The following DNMT3A variants were observed in gnomAD, a reference collection of about 807,000 sequenced individuals.
The protein encoded by DNMT3A is DNA methyltransferase 3 alpha, also known as DNA (cytosine-5)-methyltransferase 3A.
In DNMT3A, 267 loss-of-function variants were observed where a neutral mutation model predicts 117.6. That is an observed-to-expected ratio of 2.27 (90% confidence interval 2.05 to 2.51). The LOEUF is 2.51. Among genes scored for constraint, DNMT3A ranks in the 30% most tolerant of loss-of-function variants. The pLI is 0.00. For synonymous variants in DNMT3A, 432 were observed against 474.8 expected (o/e 0.91, Z 1.17); for missense variants, 1,029 against 1,260.2 (o/e 0.82, Z 2.78).
rs541076728 is a variant in DNMT3A at position 25,288,280 on chromosome 2, A to G, written c.178-5569T>C. Among the ~76,000 whole-genome samples the G allele has an allele frequency of 5.9e-5, 9 of 151,912 alleles. No homozygotes were observed. In the East Asian group the frequency reaches 1.8e-3, roughly 30 times the overall value. ...AAACCCCGAATCTACTAAAAATACAAAAAATTCGCCAGGCGTGGTAGCAGG... is the reference window on the plus strand; with the variant it reads ...AAACCCCGAATCTACTAAAAATACAGAAAATTCGCCAGGCGTGGTAGCAGG... On this transcript the variant is annotated intron_variant, in intron 3 of 22. Coordinates refer to ENST00000321117, the MANE Select transcript of DNMT3A (RefSeq NM_022552.5).
intron 6 of DNMT3A, among the ~76,000 whole-genome samples, chr2:25,250,125 G>A (rs1487002154): frequency 6.6e-6 from 1 of 152,164 alleles, no homozygotes; most frequent in Non-Finnish European, 1.5e-5. Flanking sequence ...TAAAAATCTG[G>A]TGTATATATG....
rs2032911123 is a variant in DNMT3A at position 25,293,545 on chromosome 2, G to C, written c.177+6594C>G. Among the ~76,000 whole-genome samples, 1 of 152,156 alleles carries C rather than the reference G, an allele frequency of 6.6e-6. No homozygotes were observed. The highest frequency in any genetic ancestry group is 2.1e-4 in the South Asian group (1 of 4,828). ...TGCTCTGTCACCCAGCTGGAGTGCA[G>C]TGACACAATTATGGCTCACTGCAGC... On this transcript the variant is annotated intron_variant, in intron 3 of 22. Coordinates refer to ENST00000321117, the MANE Select transcript of DNMT3A (RefSeq NM_022552.5). The surrounding 1 kb of genome is among the most constrained non-coding windows in gnomAD (Gnocchi z 4.7).
intron 1 of DNMT3A, chr2:25,328,553 A>G: frequency 2.2e-6 from 1 of 450,212 alleles, no homozygotes; most frequent in Non-Finnish European, 4.7e-6. Context: ...AGACGAGGTC[A>G]GAGTTCATGC....
chr2:25,247,499 C>A lies in DNMT3A; in HGVS notation c.1014+92G>T. 3.2e-6 allele frequency: 5 copies of A among 1,550,170 alleles called. No homozygotes were observed. The highest frequency in any genetic ancestry group is 4.4e-6 in the Non-Finnish European group (5 of 1,144,046). On this transcript the variant is annotated intron_variant, in intron 8 of 22. Coordinates refer to ENST00000321117, the MANE Select transcript of DNMT3A (RefSeq NM_022552.5). The surrounding 1 kb of genome is among the most constrained non-coding windows in gnomAD (Gnocchi z 5.6). ...GGGTGAGCAGAACCCACTTCCATCA[C>A]CCCAATTCCAGACTGCCCCCAGCCA...
At chr2:25,272,884 C>T (rs1382449716) in intron 6 of DNMT3A, among the ~76,000 whole-genome samples, 2 of 151,488 alleles carry the variant, frequency 1.3e-5, no homozygotes, top group African/African-American at 4.9e-5. Context: ...TCACCGCAAC[C>T]TCCACCTGTC....
Position 25,247,670 on chromosome 2 carries a change from G to A in DNMT3A, c.935C>T (p.Ser312Phe). Residue 312 changes from serine (S) to phenylalanine (F), a missense_variant, in exon 8 of 23, where the codon TCT becomes TTT. Coordinates refer to ENST00000321117, the MANE Select transcript of DNMT3A (RefSeq NM_022552.5). The surrounding 1 kb of genome is among the most constrained non-coding windows in gnomAD (Gnocchi z 5.6). ...GFSWWPGRIV[S>F]WWMTGRSRAA... ...TCGGCTCCGGCCCGTCATCCACCAA[G>A]ACACAATGCGGCCTGGCCACCAGGA... 1 of 1,613,918 alleles carries A rather than the reference G, an allele frequency of 6.2e-7. No homozygotes were observed. The highest frequency in any genetic ancestry group is 8.5e-7 in the Non-Finnish European group (1 of 1,180,024).
Position 25,281,599 on chromosome 2 carries a change from A to T in DNMT3A, c.448+842T>A, listed in dbSNP as rs2031890551. ...AAGACTTTTTGAAATTAAAATGCAC[A>T]TATGCAAAACAACCTGGCAGGGCCC... On this transcript the variant is annotated intron_variant, in intron 4 of 22. Coordinates refer to ENST00000321117, the MANE Select transcript of DNMT3A (RefSeq NM_022552.5). The surrounding 1 kb of genome is among the most constrained non-coding windows in gnomAD (Gnocchi z 4.8). 5.6e-6 allele frequency: 6 copies of T among 1,064,250 alleles called. No individual in the cohort carries two copies. Among genetic ancestry groups the T allele is most frequent in the Non-Finnish European group, 5.7e-6 (5 of 878,590 alleles). The allele number at this position is 1,064,250 out of a possible 1,614,324, so 65.9% of individuals were successfully genotyped here.
intron 3 of DNMT3A, among the ~76,000 whole-genome samples, chr2:25,287,973 T>G (rs1403835149): frequency 2.0e-5 from 3 of 151,872 alleles, no homozygotes; most frequent in Non-Finnish European, 4.4e-5. Flanking sequence ...TAGCTGGGAT[T>G]ACAGGTGTCT....
rs1460579097 is a variant in DNMT3A, at chr2:25,239,284, G to C, written c.2323-69C>G. The C allele has an allele frequency of 4.2e-6, 6 of 1,435,040 alleles. No individual in the cohort carries two copies. In the Admixed American group the frequency reaches 9.3e-5, roughly 22 times the overall value. 88.9% of individuals were successfully genotyped at this position (1,435,040 alleles called of 1,614,324 possible). On this transcript the variant is annotated intron_variant, in intron 19 of 22. Coordinates refer to ENST00000321117, the MANE Select transcript of DNMT3A (RefSeq NM_022552.5). ...TGAAACAGCGCCGGCATGCTGCTGG[G>C]GTCGAGCCTTAAAGCCTCAAAGCCT...
Position 25,304,431 on chromosome 2 carries a change from C to T in DNMT3A, c.73-4188G>A, listed in dbSNP as rs1342606144. Among the ~76,000 whole-genome samples, 1 of 152,232 alleles carries T rather than the reference C, an allele frequency of 6.6e-6. No homozygotes were observed. The highest frequency in any genetic ancestry group is 2.4e-5 in the African/African-American group (1 of 41,460). On this transcript the variant is annotated intron_variant, in intron 2 of 22. Transcript: ENST00000321117. The surrounding 1 kb of genome is among the most constrained non-coding windows in gnomAD (Gnocchi z 4.3). ...CATCCTGATTCGTACTTCACTCCCA[C>T]TCCATCCTCCCCATCCCCCTCTCCC...
chr2:25,247,998 C>T lies in DNMT3A; in HGVS notation c.855+39G>A, dbSNP rs993874086. 37 of 1,610,780 alleles carry T rather than the reference C, an allele frequency of 2.3e-5. No homozygotes were observed. The highest frequency in any genetic ancestry group is 6.7e-5 in the African/African-American group (5 of 74,788). On this transcript the variant is annotated intron_variant, in intron 7 of 22. Coordinates refer to ENST00000321117, the MANE Select transcript of DNMT3A (RefSeq NM_022552.5). The surrounding 1 kb of genome is among the most constrained non-coding windows in gnomAD (Gnocchi z 5.6). ...GGAGGAGCTGGCAGTGGAAGGCCCCCGGAAAGAGCTGGCCACGGCTGGTGA... is the reference window on the plus strand; with the variant it reads ...GGAGGAGCTGGCAGTGGAAGGCCCCTGGAAAGAGCTGGCCACGGCTGGTGA...
intron 4 of DNMT3A, among the ~76,000 whole-genome samples, chr2:25,278,001 T>TCACACACACACACACACACACACA (rs71397475): frequency 2.2e-5 from 2 of 90,494 alleles, no homozygotes; most frequent in Non-Finnish European, 4.9e-5. Flanking sequence ...ACTTGAGTGA[T>TCACACACACACACACACACACACA]CACACACACA....
chr2:25,326,892 T>G (rs1428884361), intron 1 of DNMT3A, among the ~76,000 whole-genome samples: 2 of 152,224 alleles, frequency 1.3e-5, no homozygotes, highest in African/African-American at 4.8e-5. Context: ...AGCACTCCCC[T>G]GGGAAAACGT....
Position 25,228,696 on chromosome 2 carries a change from A to G in DNMT3A, c.*5583T>C, listed in dbSNP as rs1386671246. On this transcript the variant is annotated 3_prime_UTR_variant, in exon 23 of 23. Transcript: ENST00000321117. ...CAGCAGACTTAATTTAACAATATATATTTTTAATAAAATGTTTTAGCACCT... is the reference window on the plus strand; with the variant it reads ...CAGCAGACTTAATTTAACAATATATGTTTTTAATAAAATGTTTTAGCACCT... 6.6e-6 allele frequency: 1 copy of G among 152,230 alleles called. No individual in the cohort carries two copies. The highest frequency in any genetic ancestry group is 6.5e-5 in the Admixed American group (1 of 15,286). 9.4% of individuals were successfully genotyped at this position (152,230 alleles called of 1,614,324 possible).
At chr2:25,261,308 G>A (rs1228000327) in intron 6 of DNMT3A, among the ~76,000 whole-genome samples, 2 of 151,844 alleles carry the variant, frequency 1.3e-5, no homozygotes, top group Non-Finnish European at 2.9e-5. Flanking sequence ...GCATGGTGGC[G>A]TGTGCCTATA....
chr2:25,330,010 A>T (rs2034954890), intron 1 of DNMT3A, among the ~76,000 whole-genome samples: 1 of 152,236 alleles, frequency 6.6e-6, no homozygotes, highest in Admixed American at 6.5e-5. Flanking sequence ...AAACATTTGC[A>T]ATAGAATTCC....
intron 1 of DNMT3A, chr2:25,314,777 T>C: frequency 1.1e-6 from 1 of 904,042 alleles, no homozygotes; most frequent in Non-Finnish European, 1.3e-6. Context: ...ACGGCCACAC[T>C]GAGGCAGGAG....
chr2:25,241,972 G>C, intron 16 of DNMT3A: 1 of 484,008 alleles, frequency 2.1e-6, no homozygotes. Context: ...CATGGTTCCA[G>C]GATCCAGGAA....
intron 6 of DNMT3A, among the ~76,000 whole-genome samples, chr2:25,267,655 C>T (rs1018403102): frequency 1.3e-5 from 2 of 152,188 alleles, no homozygotes; most frequent in Non-Finnish European, 2.9e-5. Context: ...ATTTAAAATA[C>T]TTTCTAAAAA....
Sources: allele counts gnomAD v4.1 joint callset (sites outside exome capture counted in the v4.1 genomes callset), GRCh38; gene constraint gnomAD v4.1.1; non-coding constraint Gnocchi (gnomAD v3.1); transcripts MANE v1.5; gene names NCBI Gene and HGNC (gene_info 2026-07-23, HGNC 2026-07-21).